Variants in ATP2B1 observed in about 807,000 individuals in gnomAD.
ATP2B1 encodes the protein ATPase plasma membrane Ca2+ transporting 1.
A neutral mutation model predicts 124.2 loss-of-function variants in ATP2B1; 14 were observed. The observed-to-expected ratio is 0.11, with a 90% CI of 0.07 to 0.18. The LOEUF (loss-of-function observed/expected upper bound fraction) is 0.18, where lower values mean the gene tolerates loss of function less well. Ranked by LOEUF, ATP2B1 falls within the 10% of genes least tolerant of loss-of-function variation. The probability of loss-of-function intolerance (pLI) is 1.00; values close to 1 mark genes in which losing one functional copy is unlikely to be tolerated. For synonymous variants in ATP2B1, 449 were observed against 492.4 expected (o/e 0.91, Z 1.17); for missense variants, 763 against 1,466.1 (o/e 0.52, Z 7.83).
At position 89,589,470 on chromosome 12, in the gene ATP2B1, T is replaced by C. The variant is rs1454735075; in HGVS notation, c.*1514A>G. The C allele has an allele frequency of 1.3e-5, 2 of 152,174 alleles. No homozygotes were observed. The highest frequency in any genetic ancestry group is 2.9e-5 in the Non-Finnish European group (2 of 68,004). The allele number at this position is 152,174 out of a possible 1,614,324, so 9.4% of individuals were successfully genotyped here. The stretch of plus-strand genomic sequence containing the variant: ...AATATATCATTTTAGAACCTTTTCA[T>C]GTAATCTCATTTTACCTAATCTGTT... On this transcript the variant is annotated 3_prime_UTR_variant, in exon 21 of 21. Coordinates refer to ENST00000428670, the MANE Select transcript of ATP2B1 (RefSeq NM_001366521.1).
rs546365283 is a variant in ATP2B1, at chr12:89,619,928, T to C, written c.1829+71A>G. 34 of 1,543,906 alleles carry C rather than the reference T, an allele frequency of 2.2e-5. No individual in the cohort carries two copies. The African/African-American group carries it at 3.3e-4, about 15-fold the overall frequency. ...GATGTTCACAAAAAGACAACAACAA[T>C]AACAACACAGTAGATACTCCATAAA... On this transcript the variant is annotated intron_variant, in intron 11 of 20. Transcript: ENST00000428670.
intron 1 of ATP2B1, 40 bp from the exon 2 acceptor site, chr12:89,656,147 T>G: frequency 2.3e-6 from 1 of 427,282 alleles, no homozygotes; most frequent in Non-Finnish European, 4.1e-6. Flanking sequence ...AAAATCTATC[T>G]TAAGAGTATT....
chr12:89,661,045 T>TA (rs59009244), intron 1 of ATP2B1, among the ~76,000 whole-genome samples: 3 of 151,626 alleles, frequency 2.0e-5, no homozygotes, highest in Non-Finnish European at 2.9e-5. Context: ...ATTTAGGGTT[T>TA]AAAAAAAAAT....
At chr12:89,661,506 A>ACT (rs1437091133) in intron 1 of ATP2B1, among the ~76,000 whole-genome samples, 1 of 151,890 alleles carries the variant, frequency 6.6e-6, no homozygotes, top group Non-Finnish European at 1.5e-5. Flanking sequence ...AGTATTAAAT[A>ACT]CTCACAAAAT....
chr12:89,644,123 GAAAAAAAAGAAAGAAAGA>G, intron 2 of ATP2B1, among the ~76,000 whole-genome samples: 1 of 151,140 alleles, frequency 6.6e-6, no homozygotes, highest in Non-Finnish European at 1.5e-5. Flanking sequence ...CTCTGTTTCC[GAAAAAAAAGAAAGAAAGA>G]AAGAAAAAGA....
At chr12:89,621,190 G>A (rs1197313674) in intron 10 of ATP2B1, among the ~76,000 whole-genome samples, 3 of 151,950 alleles carry the variant, frequency 2.0e-5, no homozygotes, top group East Asian at 1.9e-4. Context: ...AGTTGAAATC[G>A]GCTTAAAAAT....
chr12:89,624,624 ATTCT>A (rs944133208), intron 8 of ATP2B1, among the ~76,000 whole-genome samples: 2 of 152,296 alleles, frequency 1.3e-5, no homozygotes, highest in African/African-American at 4.8e-5. Context: ...AACACTTAGG[ATTCT>A]TTCTTAGACT....
chr12:89,635,963 G>A (rs1042129459), intron 3 of ATP2B1, among the ~76,000 whole-genome samples: 8 of 152,192 alleles, frequency 5.3e-5, no homozygotes, highest in African/African-American at 1.9e-4. Flanking sequence ...GGTATATGAA[G>A]AATTCAGATA....
At chr12:89,632,889 C>T (rs1030288705) in intron 5 of ATP2B1, among the ~76,000 whole-genome samples, 3 of 152,138 alleles carry the variant, frequency 2.0e-5, no homozygotes, top group Admixed American at 6.6e-5. Flanking sequence ...CTACATAAAG[C>T]TTACCAGTCA....
At chr12:89,599,598 T>C (rs914330077) in intron 19 of ATP2B1, among the ~76,000 whole-genome samples, 1 of 152,184 alleles carries the variant, frequency 6.6e-6, no homozygotes, top group Non-Finnish European at 1.5e-5. Flanking sequence ...TGCTCTGATA[T>C]ATGTATTTAC....
chr12:89,703,429 T>G (rs1453980675), intron 1 of ATP2B1, among the ~76,000 whole-genome samples: 1 of 152,216 alleles, frequency 6.6e-6, no homozygotes, highest in Non-Finnish European at 1.5e-5. Context: ...TTGCTGTTTT[T>G]GAAAGAGCAA....
At chr12:89,654,302 T>G (rs979122654) in intron 2 of ATP2B1, among the ~76,000 whole-genome samples, 3 of 152,230 alleles carry the variant, frequency 2.0e-5, no homozygotes, top group Non-Finnish European at 4.4e-5. Context: ...CCTGATACTC[T>G]TAGTTATACC....
At chr12:89,605,775 T>C (rs938199937) in intron 15 of ATP2B1, among the ~76,000 whole-genome samples, 2 of 152,168 alleles carry the variant, frequency 1.3e-5, no homozygotes, top group African/African-American at 4.8e-5. Context: ...TCCTCAGGTA[T>C]GGAGACCAAG....
chr12:89,641,871 A>C lies in ATP2B1; in HGVS notation c.406+287T>G, dbSNP rs1592833274. 1.5e-5 allele frequency: 4 copies of C among 261,854 alleles called. No homozygotes were observed. In the East Asian group the frequency reaches 3.0e-4, roughly 20 times the overall value. 16.2% of individuals were successfully genotyped at this position (261,854 alleles called of 1,614,324 possible). A position where few individuals can be genotyped will look rare whatever the true frequency, so the allele number is the denominator to read the frequency against. On this transcript the variant is annotated intron_variant, in intron 3 of 20. Transcript: ENST00000428670. Reference sequence around the variant, plus strand: ...TCTAAAAAAACTTAAAAACTGTGATAGCAAAGACCATGTCATATACATGGC... The same window carrying C: ...TCTAAAAAAACTTAAAAACTGTGATCGCAAAGACCATGTCATATACATGGC...
intron 1 of ATP2B1, among the ~76,000 whole-genome samples, chr12:89,706,660 TC>T (rs1892487103): frequency 6.6e-6 from 1 of 151,744 alleles, no homozygotes. Context: ...TGAAGACAAT[TC>T]CCCCTTACAC....
chr12:89,677,966 A>ATG (rs1294903823), intron 1 of ATP2B1, among the ~76,000 whole-genome samples: 1,867 of 59,092 alleles, frequency 0.032, 27 homozygotes, highest in Non-Finnish European at 0.05. Context: ...ATATATATAT[A>ATG]TATATACACA....
chr12:89,600,407 G>A (rs2135922564), intron 19 of ATP2B1, among the ~76,000 whole-genome samples: 1 of 152,192 alleles, frequency 6.6e-6, no homozygotes, highest in South Asian at 2.1e-4. Context: ...ATAAATCACT[G>A]TCACATTTAA....
At chr12:89,677,324 G>C (rs1038959767) in intron 1 of ATP2B1, among the ~76,000 whole-genome samples, 1 of 152,100 alleles carries the variant, frequency 6.6e-6, no homozygotes, top group Non-Finnish European at 1.5e-5. Flanking sequence ...GCTGGGAAGC[G>C]GGAGGTAGTG....
intron 20 of ATP2B1, 22 bp from the exon 21 acceptor site, chr12:89,591,317 GA>G: frequency 2.5e-6 from 4 of 1,582,750 alleles, no homozygotes; most frequent in Non-Finnish European, 3.4e-6. Flanking sequence ...AGAAAATACA[GA>G]AATATGTCAG....
Sources: gnomAD v4.1 joint callset for allele counts (sites outside exome capture counted in the v4.1 genomes callset) on GRCh38, gnomAD v4.1.1 for gene constraint, MANE v1.5 for transcripts, NCBI Gene and HGNC (gene_info 2026-07-23, HGNC 2026-07-21) for gene names.